The following NOXA1 variants were observed in gnomAD, a reference collection of about 807,000 sequenced individuals.
NOXA1 encodes NCF2-like protein.
In NOXA1, 56 loss-of-function variants were observed where a neutral mutation model predicts 64.8. That is an observed-to-expected ratio of 0.86 (90% CI 0.70 to 1.08). The LOEUF is 1.08. Among genes scored for constraint, NOXA1 ranks in the 50% least tolerant of loss-of-function variants. The pLI is 0.00. For missense variants in NOXA1, 668 were observed against 658.5 expected, an observed-to-expected ratio of 1.01 and a Z score of -0.16; for synonymous variants, 295 against 294.8, an observed-to-expected ratio of 1.00 and a Z score of -0.01.
At chr9:137,432,966 A>G in intron 8 of NOXA1, 63 bp from the exon 9 acceptor site, 1 of 1,576,294 alleles carries the variant, frequency 6.3e-7, no homozygotes, top group South Asian at 1.1e-5. Context: ...GGGCTCTGCG[A>G]GGACAGTACC....
At chr9:137,429,247 T>C in intron 4 of NOXA1, 29 bp from the exon 5 acceptor site, 1 of 1,486,352 alleles carries the variant, frequency 6.7e-7, no homozygotes, top group Non-Finnish European at 9.1e-7. Flanking sequence ...TCACCCCGTC[T>C]GCATCTGCTG....
chr9:137,424,074 CCGAAA>C (rs1838717181), intron 1 of NOXA1, among the ~76,000 whole-genome samples: 1 of 152,176 alleles, frequency 6.6e-6, no homozygotes, highest in Non-Finnish European at 1.5e-5. Flanking sequence ...AGCCCACTCC[CCGAAA>C]CAGCCAGGAG....
At chr9:137,427,172 A>G (rs1405091383) in intron 2 of NOXA1, among the ~76,000 whole-genome samples, 1 of 152,264 alleles carries the variant, frequency 6.6e-6, no homozygotes, top group East Asian at 1.9e-4. Context: ...GATAAAATAG[A>G]CAAAAATAAC....
In NOXA1 at chr9:137,423,711, GC is replaced by G; in HGVS notation, c.177+6del. Reference sequence around the variant, plus strand: ...GACCCCGAGGCCGCGCTGCGGGTGAGCGGGGCGTGGGGAGGCCGGTGCGGGC... The same window carrying G: ...GACCCCGAGGCCGCGCTGCGGGTGAGGGGGCGTGGGGAGGCCGGTGCGGGC... On this transcript the variant is annotated splice_donor_region_variant and intron_variant, in intron 1 of 13. Transcript: ENST00000683555. The G allele has an allele frequency of 7.7e-7, 1 of 1,299,896 alleles. No homozygotes were observed. The highest frequency in any genetic ancestry group is 9.7e-7 in the Non-Finnish European group (1 of 1,026,610). The allele number at this position is 1,299,896 out of a possible 1,614,324, so 80.5% of individuals were successfully genotyped here.
Position 137,431,397 on chromosome 9 carries a change from C to A in NOXA1, c.804+56C>A. The A allele has an allele frequency of 7.1e-7, 1 of 1,412,236 alleles. No homozygotes were observed. The highest frequency in any genetic ancestry group is 9.9e-7 in the Non-Finnish European group (1 of 1,011,976). The allele number at this position is 1,412,236 out of a possible 1,614,324, so 87.5% of individuals were successfully genotyped here. A position where few individuals can be genotyped will look rare whatever the true frequency, so the allele number is the denominator to read the frequency against. On this transcript the variant is annotated intron_variant, in intron 8 of 13. Coordinates refer to ENST00000683555, the MANE Select transcript of NOXA1 (RefSeq NM_001256067.2). The surrounding 1 kb of genome is among the most constrained non-coding windows in gnomAD (Gnocchi z 5.6). Reference sequence around the variant, plus strand: ...GGGGTCGGTGCTTCTGCTGCCTCCGCAGACTGGGGACCACAATGGGACCAA... The same window carrying A: ...GGGGTCGGTGCTTCTGCTGCCTCCGAAGACTGGGGACCACAATGGGACCAA...
At position 137,423,456 on chromosome 9, in the gene NOXA1, G is replaced by C; in HGVS notation, c.-74G>C. The C allele has an allele frequency of 9.5e-7, 1 of 1,047,440 alleles. No homozygotes were observed. The highest frequency in any genetic ancestry group is 1.2e-6 in the Non-Finnish European group (1 of 833,510). The allele number at this position is 1,047,440 out of a possible 1,614,324, so 64.9% of individuals were successfully genotyped here. A position where few individuals can be genotyped will look rare whatever the true frequency, so the allele number is the denominator to read the frequency against. On this transcript the variant is annotated 5_prime_UTR_variant, in exon 1 of 14. Transcript: ENST00000683555. ...CCCGCCTCGGAGACCCCGCAGCCCC[G>C]CGCCGCCGCCTGGCCCCGGCCCCGG...
rs766958261 is a variant in NOXA1 at position 137,431,004 on chromosome 9, T to C, written c.673-71T>C. 22 of 1,610,444 alleles carry C rather than the reference T, an allele frequency of 1.4e-5. No individual in the cohort carries two copies. The highest frequency in any genetic ancestry group is 1.8e-5 in the Non-Finnish European group (21 of 1,178,282). On this transcript the variant is annotated intron_variant, in intron 6 of 13. Coordinates refer to ENST00000683555, the MANE Select transcript of NOXA1 (RefSeq NM_001256067.2). This position sits in a 1 kb window ranked among gnomAD's most constrained non-coding sequence, Gnocchi z 5.6. ...GTGTAAGACCTGGGGAAACCACTCT[T>C]CAAGGTTCAGGAGGAGGGAGGGCGG...
At chr9:137,433,654 C>T in intron 11 of NOXA1, 47 bp downstream of exon 11, 1 of 1,519,996 alleles carries the variant, frequency 6.6e-7, no homozygotes, top group Non-Finnish European at 8.9e-7. Flanking sequence ...GGGCACCGCC[C>T]CGACTGAGGC....
Position 137,433,517 on chromosome 9 carries a change from C to A in NOXA1, c.974C>A (p.Ala325Asp). 1 of 1,600,290 alleles carries A rather than the reference C, an allele frequency of 6.2e-7. No individual in the cohort carries two copies. The change falls in exon 11 of 14, where the codon GCC (alanine) becomes GAC (aspartate). Residue 325 changes from alanine (A) to aspartate (D), a missense_variant. Transcript: ENST00000683555. ...TVTVQCAFTV[A>D]LRARRGADLS... ...ACCGTGCAGTGCGCCTTCACAGTGG[C>A]CCTGAGGGCACGAAGAGGAGCCGAC... is the stretch of plus-strand genomic sequence containing the variant.
Position 137,434,256 on chromosome 9 carries a change from G to T in NOXA1, c.1327G>T (p.Gly443Cys). The change falls in exon 14 of 14, where the codon GGC becomes TGC. Residue 443 changes from glycine to cysteine, a missense_variant. Gly to Cys is a radical substitution (Grantham distance 159, BLOSUM62 -3). Transcript: ENST00000683555. ...DQAWLEGHCDGRIGIFPKCFV... is the reference protein window; with the variant it reads ...DQAWLEGHCDCRIGIFPKCFV... ...GGCATGGCTGGAGGGCCACTGTGACGGCCGCATCGGCATCTTCCCCAAGTG... is the reference window on the plus strand; with the variant it reads ...GGCATGGCTGGAGGGCCACTGTGACTGCCGCATCGGCATCTTCCCCAAGTG... 2 of 1,610,808 alleles carry T rather than the reference G, an allele frequency of 1.2e-6. No homozygotes were observed. The highest frequency in any genetic ancestry group is 1.7e-6 in the Non-Finnish European group (2 of 1,179,592).
chr9:137,432,945 AC>A, intron 8 of NOXA1, 83 bp from the exon 9 acceptor site: 2 of 1,482,286 alleles, frequency 1.3e-6, no homozygotes, highest in South Asian at 2.3e-5. Context: ...CACAGGCCAC[AC>A]CCTTGGTGTG....
chr9:137,428,228 G>C (rs955377719), intron 3 of NOXA1, 87 bp downstream of exon 3: 2 of 962,022 alleles, frequency 2.1e-6, no homozygotes, highest in African/African-American at 3.2e-5. Context: ...GTGGACTGGG[G>C]AGCGCCTCTG....
chr9:137,424,429 T>C (rs995042667), intron 1 of NOXA1, among the ~76,000 whole-genome samples: 1 of 152,200 alleles, frequency 6.6e-6, no homozygotes, highest in African/African-American at 2.4e-5. Flanking sequence ...ACCTCCATAA[T>C]GATTTCATTT....
chr9:137,424,871 A>C (rs917062499), intron 1 of NOXA1, among the ~76,000 whole-genome samples: 4 of 152,192 alleles, frequency 2.6e-5, no homozygotes, highest in Non-Finnish European at 5.9e-5. Context: ...CACTACAGAG[A>C]GGGGACGCAG....
Position 137,433,216 on chromosome 9 carries a change from A to G in NOXA1, c.862A>G (p.Met288Val), listed in dbSNP as rs1473183899. Reference sequence around the variant, plus strand: ...GCTCTGTCCTACAGGGCTGCCGGCAATGGGGGGGCCTGGCCCCGGCCCCTG... The same window carrying G: ...GCTCTGTCCTACAGGGCTGCCGGCAGTGGGGGGGCCTGGCCCCGGCCCCTG... ...QAPLSPGLPA[M>V]GGPGPGPCED... Residue 288 changes from methionine (M) to valine (V), a missense_variant, in exon 10 of 14, where the codon ATG becomes GTG. Met to Val is a conservative substitution (Grantham distance 21). Coordinates refer to ENST00000683555, the MANE Select transcript of NOXA1 (RefSeq NM_001256067.2). The G allele has an allele frequency of 1.2e-6, 2 of 1,606,790 alleles. No homozygotes were observed. Among genetic ancestry groups the G allele is most frequent in the Non-Finnish European group, 1.7e-6 (2 of 1,177,468 alleles).
chr9:137,432,897 C>T (rs1222101145), intron 8 of NOXA1, 132 bp from the exon 9 acceptor site: 24 of 967,208 alleles, frequency 2.5e-5, no homozygotes, highest in Non-Finnish European at 3.2e-5. Context: ...GCCCTGAATT[C>T]AACACCCACA....
chr9:137,424,158 G>A (rs1838726715), intron 1 of NOXA1, among the ~76,000 whole-genome samples: 2 of 152,144 alleles, frequency 1.3e-5, no homozygotes, highest in South Asian at 2.1e-4. Context: ...GCCCCCTCGC[G>A]TTCCGGGGCC....
chr9:137,433,114 G>A, intron 9 of NOXA1, 40 bp downstream of exon 9: 1 of 1,611,982 alleles, frequency 6.2e-7, no homozygotes, highest in South Asian at 1.1e-5. Context: ...GGGTGAAGGA[G>A]GAAGCTGCTG....
intron 1 of NOXA1, among the ~76,000 whole-genome samples, chr9:137,424,643 G>T (rs1273375332): frequency 6.6e-6 from 1 of 152,114 alleles, no homozygotes; most frequent in Non-Finnish European, 1.5e-5. Context: ...TCACCATGTT[G>T]GTCAGGCTGG....
Sources: gnomAD v4.1 joint callset for allele counts (sites outside exome capture counted in the v4.1 genomes callset) on GRCh38, gnomAD v4.1.1 for gene constraint, Gnocchi (gnomAD v3.1) non-coding constraint, MANE v1.5 for transcripts, NCBI Gene and HGNC (gene_info 2026-07-23, HGNC 2026-07-21) for gene names.